Variants in MYLK observed in about 807,000 individuals in gnomAD.
MYLK encodes myosin light chain kinase, smooth muscle.
Under a neutral mutation model 203.4 loss-of-function variants are expected in MYLK, and 106 were observed. The observed-to-expected ratio is 0.52, with a 90% confidence interval of 0.45 to 0.61. The LOEUF (loss-of-function observed/expected upper bound fraction) is 0.61, where lower values mean the gene tolerates loss of function less well. Ranked by LOEUF, MYLK falls within the 20% of genes least tolerant of loss-of-function variation. MYLK has a pLI of 0.00. For synonymous variants in MYLK, 867 were observed against 959.5 expected, an observed-to-expected ratio of 0.90 and a Z score of 1.78; for missense variants, 2,072 against 2,442.3, an observed-to-expected ratio of 0.85 and a Z score of 3.20.
chr3:123,611,523 T>TAACA lies in MYLK; in HGVS notation c.*2578_*2581dup, dbSNP rs2057246309. On this transcript the variant is annotated 3_prime_UTR_variant, in exon 34 of 34. Coordinates refer to ENST00000360304, the MANE Select transcript of MYLK (RefSeq NM_053025.4). Reference sequence around the variant, plus strand: ...AGCATCTTGAGGACCTGATACTCTGTAACAGTGGTCCCTAACCTTTTTGGC... The same window carrying TAACA: ...AGCATCTTGAGGACCTGATACTCTGTAACAAACAGTGGTCCCTAACCTTTTTGGC... 1 of 152,168 alleles carries TAACA rather than the reference T, an allele frequency of 6.6e-6. No individual in the cohort carries two copies. The allele number at this position is 152,168 out of a possible 1,614,324, so 9.4% of individuals were successfully genotyped here.
intron 9 of MYLK, 197 bp downstream of exon 9, chr3:123,735,201 A>T: frequency 1.4e-6 from 1 of 720,160 alleles, no homozygotes; most frequent in Non-Finnish European, 2.5e-6. Flanking sequence ...CTCAATACTG[A>T]CAGCAACCTG....
intron 2 of MYLK, among the ~76,000 whole-genome samples, chr3:123,866,742 G>A (rs2032355883): frequency 6.6e-6 from 1 of 152,062 alleles, no homozygotes; most frequent in Admixed American, 6.5e-5. Flanking sequence ...TCGTCACCCA[G>A]ACAGACCTCA....
rs763442737 is a variant in MYLK, at chr3:123,629,336, T to G, written c.5114+138A>C. On this transcript the variant is annotated intron_variant, in intron 30 of 33. Coordinates refer to ENST00000360304, the MANE Select transcript of MYLK (RefSeq NM_053025.4). This position sits in a 1 kb window ranked among gnomAD's most constrained non-coding sequence, Gnocchi z 4.4. ...TTCGGGTCTCTTACCATGCCCACCC[T>G]CCCTTCCTCAGGGAATGCTAGGAAC... 10 of 1,057,814 alleles carry G rather than the reference T, an allele frequency of 9.5e-6. No homozygotes were observed. Among genetic ancestry groups the G allele is most frequent in the Non-Finnish European group, 9.8e-6 (7 of 716,402 alleles). 65.5% of individuals were successfully genotyped at this position (1,057,814 alleles called of 1,614,324 possible).
At position 123,657,260 on chromosome 3, in the gene MYLK, C is replaced by A; in HGVS notation, c.4154G>T (p.Arg1385Leu). The change falls in exon 24 of 34, where the codon CGC becomes CTC. Residue 1385 changes from arginine (R) to leucine (L), a missense_variant. This residue lies in a region of MYLK where 524 missense variants were observed against 782.4 expected (regional missense o/e 0.67). Coordinates refer to ENST00000360304, the MANE Select transcript of MYLK (RefSeq NM_053025.4). ...NKTWKELATC[R>L]STSFNVQDLL... The stretch of plus-strand genomic sequence containing the variant: ...GTCCTGGACGTTGAAAGAGGTGCTG[C>A]GGCATGTGGCTAGTTCCTTCCACGT... 1 of 1,614,068 alleles carries A rather than the reference C, an allele frequency of 6.2e-7. No individual in the cohort carries two copies. Among genetic ancestry groups the A allele is most frequent in the Non-Finnish European group, 8.5e-7 (1 of 1,180,032 alleles).
chr3:123,759,491 C>T (rs1187423891), intron 4 of MYLK, among the ~76,000 whole-genome samples: 1 of 152,150 alleles, frequency 6.6e-6, no homozygotes, highest in Non-Finnish European at 1.5e-5. Flanking sequence ...TGTGGTTTGA[C>T]GTGGTTTTGA....
At chr3:123,754,358 AAAC>A (rs1442473539) in intron 4 of MYLK, among the ~76,000 whole-genome samples, 1 of 152,252 alleles carries the variant, frequency 6.6e-6, no homozygotes, top group African/African-American at 2.4e-5. Context: ...AGTGAAAAAG[AAAC>A]AACAATAAAA....
At chr3:123,651,650 A>C (rs148124552) in intron 24 of MYLK, among the ~76,000 whole-genome samples, 1 of 152,138 alleles carries the variant, frequency 6.6e-6, no homozygotes, top group Non-Finnish European at 1.5e-5. Context: ...GTGTCAGGAG[A>C]AGCAGTCTTG....
chr3:123,737,274 G>T (rs752889090), intron 8 of MYLK, 104 bp downstream of exon 8: 1 of 1,445,464 alleles, frequency 6.9e-7, no homozygotes, highest in South Asian at 1.1e-5. Context: ...GTGTGAGTGG[G>T]CCAGGTGTAT....
chr3:123,787,607 T>A (rs1359984169), intron 4 of MYLK, among the ~76,000 whole-genome samples: 1 of 152,152 alleles, frequency 6.6e-6, no homozygotes, highest in Non-Finnish European at 1.5e-5. Context: ...GGCAGTGTCA[T>A]GCGGCAGGAA....
chr3:123,626,061 G>T (rs1317533009), intron 31 of MYLK, among the ~76,000 whole-genome samples: 12 of 152,096 alleles, frequency 7.9e-5, no homozygotes, highest in Non-Finnish European at 2.9e-5. Context: ...CCTCAATTTT[G>T]TCTGTAAAGT....
intron 4 of MYLK, among the ~76,000 whole-genome samples, chr3:123,781,976 G>A (rs1452027891): frequency 6.6e-6 from 1 of 152,170 alleles, no homozygotes; most frequent in Non-Finnish European, 1.5e-5. Context: ...TCTACCAGGA[G>A]CTGGCACCGA....
intron 12 of MYLK, among the ~76,000 whole-genome samples, chr3:123,723,785 G>A (rs2062176816): frequency 6.6e-6 from 1 of 152,242 alleles, no homozygotes; most frequent in Non-Finnish European, 1.5e-5. Flanking sequence ...GAGTCGCTGA[G>A]AAAACACCGT....
Position 123,708,673 on chromosome 3 carries a change from C to T in MYLK, c.2140+25G>A. 5 of 1,613,770 alleles carry T rather than the reference C, an allele frequency of 3.1e-6. No homozygotes were observed. In the East Asian group the frequency reaches 1.1e-4, roughly 36 times the overall value. On this transcript the variant is annotated intron_variant, in intron 15 of 33. Coordinates refer to ENST00000360304, the MANE Select transcript of MYLK (RefSeq NM_053025.4). ...GGGCTGCAGCAGCATCTCCTTCCCACTCGCTCTGAGTGGGTCAGCCTCACC... is the reference window on the plus strand; with the variant it reads ...GGGCTGCAGCAGCATCTCCTTCCCATTCGCTCTGAGTGGGTCAGCCTCACC...
In MYLK at chr3:123,618,718, T is replaced by C. The variant is rs2057661886; in HGVS notation, c.5421A>G (p.Val1807=). ...LEAVAEEKPH[V]KPYFSKTIRD... ...GAATGGTCTTAGAGAAATAGGGTTTTACATGAGGCTTTTCCTCAGCAACAG... is the reference window on the plus strand; with the variant it reads ...GAATGGTCTTAGAGAAATAGGGTTTCACATGAGGCTTTTCCTCAGCAACAG... The change falls in exon 33 of 34, where the codon GTA becomes GTG. Residue 1807 remains valine (V), a synonymous_variant. Coordinates refer to ENST00000360304, the MANE Select transcript of MYLK (RefSeq NM_053025.4). The C allele has an allele frequency of 9.9e-6, 16 of 1,614,174 alleles. No individual in the cohort carries two copies. In the East Asian group the frequency reaches 3.3e-4, roughly 34 times the overall value.
At chr3:123,819,837 C>G (rs1421902120) in intron 3 of MYLK, among the ~76,000 whole-genome samples, 1 of 83,752 alleles carries the variant, frequency 1.2e-5, no homozygotes, top group African/African-American at 4.5e-5. Flanking sequence ...GAAGACTCCT[C>G]TTTTTAAGTT....
intron 32 of MYLK, 27 bp from the exon 33 acceptor site, chr3:123,618,797 C>A: frequency 1.9e-6 from 3 of 1,613,604 alleles, no homozygotes; most frequent in South Asian, 2.2e-5. Context: ...AAGACCAGGT[C>A]ATTTCTTCAC....
chr3:123,694,701 AG>A (rs2060836308), intron 18 of MYLK, among the ~76,000 whole-genome samples: 1 of 152,244 alleles, frequency 6.6e-6, no homozygotes, highest in Non-Finnish European at 1.5e-5. Flanking sequence ...CAGAGAGTAG[AG>A]GGGCATGTGG....
chr3:123,736,420 C>A (rs1046808459), intron 8 of MYLK, among the ~76,000 whole-genome samples: 6 of 152,166 alleles, frequency 3.9e-5, no homozygotes, highest in Admixed American at 3.9e-4. Flanking sequence ...GGACTGAAAG[C>A]CACTTCCCTT....
chr3:123,669,572 T>C (rs2059844365), intron 20 of MYLK, among the ~76,000 whole-genome samples: 1 of 152,094 alleles, frequency 6.6e-6, no homozygotes, highest in African/African-American at 2.4e-5. Context: ...ATTGTTCTTG[T>C]TTTTAGGAAA....
Sources: gnomAD v4.1 joint callset for allele counts (sites outside exome capture counted in the v4.1 genomes callset) on GRCh38, gnomAD v4.1.1 for gene constraint, gnomAD v4.1.1 regional missense constraint, Gnocchi (gnomAD v3.1) non-coding constraint, MANE v1.5 for transcripts, NCBI Gene and HGNC (gene_info 2026-07-23, HGNC 2026-07-21) for gene names.